Variants in TEAD1 observed in about 807,000 individuals in gnomAD.
The protein encoded by TEAD1 is transcriptional enhancer factor TEF-1.
TEAD1 carries 9 observed loss-of-function variants against 54.9 expected under a neutral mutation model. The observed-to-expected ratio is 0.16, with a 90% CI of 0.10 to 0.29. The LOEUF (loss-of-function observed/expected upper bound fraction) is 0.29. Ranked by LOEUF, TEAD1 falls within the 10% of genes least tolerant of loss-of-function variation. The pLI is 1.00. For synonymous variants in TEAD1, 200 were observed against 187.8 expected, an observed-to-expected ratio of 1.07 and a Z score of -0.53; for missense variants, 387 against 535.9, an observed-to-expected ratio of 0.72 and a Z score of 2.74.
intron 3 of TEAD1, among the ~76,000 whole-genome samples, chr11:12,831,178 C>T (rs536544111): frequency 6.6e-6 from 1 of 152,306 alleles, no homozygotes; most frequent in South Asian, 2.1e-4. Context: ...AGGAAGCCTT[C>T]CTTGTCTGGT....
intron 2 of TEAD1, among the ~76,000 whole-genome samples, chr11:12,688,699 C>G (rs1163338624): frequency 6.6e-6 from 1 of 152,194 alleles, no homozygotes; most frequent in Non-Finnish European, 1.5e-5. Flanking sequence ...GTGATTAACT[C>G]TATCTCGGCT....
chr11:12,922,985 G>A (rs1204457912), intron 10 of TEAD1: 1 of 149,126 alleles, frequency 6.7e-6, no homozygotes, highest in African/African-American at 2.5e-5. Flanking sequence ...TCTCATTTGA[G>A]TGTCAGATCC....
At chr11:12,902,805 G>A (rs1948448246) in intron 10 of TEAD1, among the ~76,000 whole-genome samples, 1 of 151,912 alleles carries the variant, frequency 6.6e-6, no homozygotes, top group Admixed American at 6.6e-5. Flanking sequence ...AACCCCTGTT[G>A]CCCCACCTGT....
At chr11:12,879,381 T>G (rs988346824) in intron 5 of TEAD1, 2 of 585,716 alleles carry the variant, frequency 3.4e-6, no homozygotes, top group Non-Finnish European at 6.1e-6. Flanking sequence ...CTTAAATGTT[T>G]TAAGTAATTG....
chr11:12,689,101 G>T (rs1943398921), intron 2 of TEAD1, among the ~76,000 whole-genome samples: 1 of 149,098 alleles, frequency 6.7e-6, no homozygotes, highest in Non-Finnish European at 1.5e-5. Context: ...CATATTTTCT[G>T]TTGTCTCTCC....
intron 3 of TEAD1, among the ~76,000 whole-genome samples, chr11:12,798,773 T>A (rs1235941741): frequency 6.6e-6 from 1 of 152,244 alleles, no homozygotes; most frequent in Admixed American, 6.5e-5. Flanking sequence ...CTCTGAATGC[T>A]GCGTTTCCAT....
chr11:12,691,008 C>G (rs577458778), intron 2 of TEAD1, among the ~76,000 whole-genome samples: 17 of 152,314 alleles, frequency 1.1e-4, no homozygotes, highest in Admixed American at 1.1e-3. Flanking sequence ...ACCTCGGCTT[C>G]CCAAATTGCT....
chr11:12,874,359 TAC>T (rs1947813533), intron 5 of TEAD1, among the ~76,000 whole-genome samples: 1 of 152,196 alleles, frequency 6.6e-6, no homozygotes, highest in African/African-American at 2.4e-5. Context: ...GTTTTAAGAG[TAC>T]ACCACTCCAG....
At chr11:12,923,558 T>TG (rs1371640068) in intron 10 of TEAD1, among the ~76,000 whole-genome samples, 1 of 152,210 alleles carries the variant, frequency 6.6e-6, no homozygotes, top group Admixed American at 6.5e-5. Flanking sequence ...AGCAGGGGGT[T>TG]GGTAGATACT....
At chr11:12,794,880 G>A in intron 3 of TEAD1, among the ~76,000 whole-genome samples, 1 of 152,186 alleles carries the variant, frequency 6.6e-6, no homozygotes, top group East Asian at 1.9e-4. Context: ...CTTATCCCTA[G>A]TACCTCTGAC....
At chr11:12,822,017 G>A (rs370719637) in intron 3 of TEAD1, among the ~76,000 whole-genome samples, 16 of 117,194 alleles carry the variant, frequency 1.4e-4, no homozygotes, top group African/African-American at 5.3e-4. Flanking sequence ...AGGCTGGAGT[G>A]CAGTGGCGCG....
chr11:12,773,995 C>T (rs1293572537), intron 3 of TEAD1, among the ~76,000 whole-genome samples: 1 of 152,124 alleles, frequency 6.6e-6, no homozygotes, highest in Non-Finnish European at 1.5e-5. Flanking sequence ...ATTTTCTTTA[C>T]AAGAAGGTTA....
chr11:12,840,331 A>G (rs902845513), intron 3 of TEAD1, among the ~76,000 whole-genome samples: 1 of 150,612 alleles, frequency 6.6e-6, no homozygotes, highest in Non-Finnish European at 1.5e-5. Context: ...AGTCTGAGAG[A>G]TGGATGTTTT....
At chr11:12,837,543 T>C (rs905248297) in intron 3 of TEAD1, among the ~76,000 whole-genome samples, 1 of 152,160 alleles carries the variant, frequency 6.6e-6, no homozygotes, top group Non-Finnish European at 1.5e-5. Flanking sequence ...ATCAAGGTAT[T>C]AACAGGTTTA....
chr11:12,803,634 G>A (rs1171286705), intron 3 of TEAD1, among the ~76,000 whole-genome samples: 2 of 152,196 alleles, frequency 1.3e-5, no homozygotes, highest in Non-Finnish European at 2.9e-5. Flanking sequence ...GGACGCTTAG[G>A]AGCTTTTTAT....
At chr11:12,865,038 T>A in intron 5 of TEAD1, 138 bp downstream of exon 5, 3 of 964,022 alleles carry the variant, frequency 3.1e-6, no homozygotes, top group Non-Finnish European at 5.0e-6. Context: ...CATTTCTTTG[T>A]GTTTAATCTC....
intron 3 of TEAD1, among the ~76,000 whole-genome samples, chr11:12,768,782 C>G (rs1197824191): frequency 6.6e-6 from 1 of 152,178 alleles, no homozygotes; most frequent in Non-Finnish European, 1.5e-5. Context: ...ATGGAGCTAT[C>G]TCAAGTTCAT....
intron 2 of TEAD1, among the ~76,000 whole-genome samples, chr11:12,709,497 C>T (rs1202135667): frequency 6.6e-6 from 1 of 151,898 alleles, no homozygotes; most frequent in Non-Finnish European, 1.5e-5. Flanking sequence ...GTCTCAACTT[C>T]CTGAGTAGCT....
chr11:12,828,729 G>A lies in TEAD1; in HGVS notation c.203-33521G>A, dbSNP rs189034959. 4.2e-5 allele frequency among the ~76,000 whole-genome samples: 6 copies of A among 144,508 alleles called. No homozygotes were observed. The East Asian group carries it at 1.2e-3, about 29-fold the overall frequency. The allele number at this position is 144,508 out of a possible 152,430, so 94.8% of individuals were successfully genotyped here. A position where few individuals can be genotyped will look rare whatever the true frequency, so the allele number is the denominator to read the frequency against. On this transcript the variant is annotated intron_variant, in intron 3 of 12. Coordinates refer to ENST00000527636, the MANE Select transcript of TEAD1 (RefSeq NM_021961.6). Reference sequence around the variant, plus strand: ...ATTAACCAAAAAATCTAAGCGAATGGTTTCCTAACTCACTTTTCCTTAACT... The same window carrying A: ...ATTAACCAAAAAATCTAAGCGAATGATTTCCTAACTCACTTTTCCTTAACT...
Sources: allele counts gnomAD v4.1 joint callset (sites outside exome capture counted in the v4.1 genomes callset), GRCh38; gene constraint gnomAD v4.1.1; transcripts MANE v1.5; gene names NCBI Gene and HGNC (gene_info 2026-07-23, HGNC 2026-07-21).